HIBADH: variants seen among roughly 807,000 people sequenced by gnomAD.
HIBADH encodes 3-hydroxyisobutyrate dehydrogenase.
A neutral mutation model predicts 36.1 loss-of-function variants in HIBADH; 25 were observed. That is an observed-to-expected ratio of 0.69 (90% CI 0.50 to 0.97). HIBADH has a LOEUF of 0.97. Ranked by LOEUF, HIBADH falls within the 50% of genes least tolerant of loss-of-function variation. The probability of loss-of-function intolerance (pLI) is 0.00; values close to 1 mark genes in which losing one functional copy is unlikely to be tolerated. For missense variants in HIBADH, 421 were observed against 418.0 expected (o/e 1.01, Z -0.06); for synonymous variants, 160 against 149.5 (o/e 1.07, Z -0.51).
intron 4 of HIBADH, among the ~76,000 whole-genome samples, chr7:27,547,854 T>A (rs1451132379): frequency 1.3e-5 from 2 of 152,078 alleles, no homozygotes; most frequent in African/African-American, 4.8e-5. Context: ...AAAAAATTGT[T>A]CCAAATGAGA....
chr7:27,645,368 A>ATGTTTTTTTTT (rs1554300959), intron 2 of HIBADH, among the ~76,000 whole-genome samples: 838 of 59,624 alleles, frequency 0.014, 249 homozygotes, highest in African/African-American at 0.028. Flanking sequence ...CATGGTTTTG[A>ATGTTTTTTTTT]TTTTTTTTTT....
intron 4 of HIBADH, among the ~76,000 whole-genome samples, chr7:27,546,919 T>C (rs1472648157): frequency 2.0e-5 from 3 of 152,200 alleles, no homozygotes; most frequent in African/African-American, 4.8e-5. Flanking sequence ...TCCTACTTTA[T>C]TTCTCTTCTC....
intron 4 of HIBADH, among the ~76,000 whole-genome samples, chr7:27,548,241 C>T (rs1784263709): frequency 6.6e-6 from 1 of 151,090 alleles, no homozygotes; most frequent in South Asian, 2.1e-4. Context: ...TGCTAAACTG[C>T]CTTCTTTCTT....
intron 4 of HIBADH, among the ~76,000 whole-genome samples, chr7:27,604,754 T>G (rs1348876845): frequency 6.6e-6 from 1 of 152,046 alleles, no homozygotes; most frequent in Non-Finnish European, 1.5e-5. Context: ...TACTGAAGGG[T>G]GCATATATTT....
At chr7:27,644,371 G>A (rs866393160) in intron 2 of HIBADH, among the ~76,000 whole-genome samples, 3 of 151,988 alleles carry the variant, frequency 2.0e-5, no homozygotes, top group Non-Finnish European at 2.9e-5. Context: ...AGGCCAAGGC[G>A]GGTGGATCAC....
chr7:27,565,025 A>C (rs999081044), intron 4 of HIBADH, among the ~76,000 whole-genome samples: 7 of 152,142 alleles, frequency 4.6e-5, no homozygotes, highest in Non-Finnish European at 1.0e-4. Context: ...AGAGTAAAAG[A>C]CTAACCTTTA....
chr7:27,632,287 T>C, intron 3 of HIBADH, 49 bp downstream of exon 3: 1 of 1,216,206 alleles, frequency 8.2e-7, no homozygotes, highest in African/African-American at 1.5e-5. Flanking sequence ...ACATGTGAAA[T>C]TCATGAACTA....
In HIBADH at chr7:27,629,423, G is replaced by C. The variant is rs762044809; in HGVS notation, c.432C>G (p.Ala144=). ...CTGCTCCCATTTTCTCAACTTCTTTGGCCAATTCTTTTGAAACTGCAGGAT... is the reference window on the plus strand; with the variant it reads ...CTGCTCCCATTTTCTCAACTTCTTTCGCCAATTCTTTTGAAACTGCAGGAT... ...TIDPAVSKEL[A]KEVEKMGAVF... is the part of the protein sequence containing the mutation. The change falls in exon 4 of 8, where the codon GCC becomes GCG. Residue 144 remains alanine, a synonymous_variant. Coordinates refer to ENST00000265395, the MANE Select transcript of HIBADH (RefSeq NM_152740.4). 4 of 1,611,718 alleles carry C rather than the reference G, an allele frequency of 2.5e-6. No individual in the cohort carries two copies. Among genetic ancestry groups the C allele is most frequent in the Non-Finnish European group, 3.4e-6 (4 of 1,178,740 alleles).
At chr7:27,527,632 G>T (rs1056664161) in intron 7 of HIBADH, among the ~76,000 whole-genome samples, 2 of 152,106 alleles carry the variant, frequency 1.3e-5, no homozygotes, top group African/African-American at 4.8e-5. Context: ...AAGTCTATCA[G>T]CACTGTTTTT....
At chr7:27,538,484 C>T in intron 5 of HIBADH, 67 bp from the exon 6 acceptor site, 1 of 1,345,548 alleles carries the variant, frequency 7.4e-7, no homozygotes, top group East Asian at 2.3e-5. Context: ...GACGTTTTTC[C>T]TTGCCCAATT....
intron 5 of HIBADH, among the ~76,000 whole-genome samples, chr7:27,540,065 C>T (rs1784126399): frequency 6.6e-6 from 1 of 151,964 alleles, no homozygotes; most frequent in Non-Finnish European, 1.5e-5. Flanking sequence ...GGGGCAGGCA[C>T]ACTCCGGATA....
chr7:27,592,287 A>G (rs901908249), intron 4 of HIBADH, among the ~76,000 whole-genome samples: 12 of 152,170 alleles, frequency 7.9e-5, no homozygotes, highest in African/African-American at 2.9e-4. Flanking sequence ...CTGAGGGTCC[A>G]TTTATCTTTT....
Position 27,564,709 on chromosome 7 carries a change from A to G in HIBADH, c.485-21609T>C, listed in dbSNP as rs568877432. ...ATGCAATAAAAAGTAATAGTGCTAA[A>G]TTGGGGGAAATTGACATCTTTACTA... On this transcript the variant is annotated intron_variant, in intron 4 of 7. Coordinates refer to ENST00000265395, the MANE Select transcript of HIBADH (RefSeq NM_152740.4). Among the ~76,000 whole-genome samples the G allele has an allele frequency of 3.7e-4, 56 of 152,316 alleles. No homozygotes were observed. In the South Asian group the frequency reaches 6.2e-3, roughly 17 times the overall value.
intron 4 of HIBADH, among the ~76,000 whole-genome samples, chr7:27,556,801 T>A (rs1032355207): frequency 3.3e-5 from 5 of 152,214 alleles, no homozygotes; most frequent in Non-Finnish European, 7.3e-5. Flanking sequence ...TGTAACTTTA[T>A]ACTGTGTTCT....
chr7:27,572,916 A>G (rs1784649331), intron 4 of HIBADH, among the ~76,000 whole-genome samples: 1 of 152,216 alleles, frequency 6.6e-6, no homozygotes, highest in African/African-American at 2.4e-5. Flanking sequence ...CAAAATTCCA[A>G]GAAGAGAAAT....
At chr7:27,531,945 C>A (rs1355883632) in intron 6 of HIBADH, among the ~76,000 whole-genome samples, 1 of 152,106 alleles carries the variant, frequency 6.6e-6, no homozygotes, top group Admixed American at 6.6e-5. Context: ...TTTATTAAAT[C>A]TTTATTAGAC....
chr7:27,576,128 C>A (rs1056593858), intron 4 of HIBADH, among the ~76,000 whole-genome samples: 1 of 152,004 alleles, frequency 6.6e-6, no homozygotes, highest in Non-Finnish European at 1.5e-5. Flanking sequence ...ATGGGAGCAA[C>A]GGAAACCAAG....
intron 4 of HIBADH, among the ~76,000 whole-genome samples, chr7:27,609,752 A>G (rs2128291647): frequency 6.6e-6 from 1 of 152,310 alleles, no homozygotes; most frequent in East Asian, 1.9e-4. Context: ...TCAACGCACT[A>G]AGTACTTTAA....
intron 2 of HIBADH, among the ~76,000 whole-genome samples, chr7:27,635,400 CA>C (rs754175386): frequency 2.6e-4 from 39 of 152,142 alleles, no homozygotes; most frequent in Non-Finnish European, 4.1e-4. Context: ...GTGAAAGGAA[CA>C]CTAATTTGGG....
Sources: allele counts gnomAD v4.1 joint callset (sites outside exome capture counted in the v4.1 genomes callset), GRCh38; gene constraint gnomAD v4.1.1; transcripts MANE v1.5; gene names NCBI Gene and HGNC (gene_info 2026-07-23, HGNC 2026-07-21).